HMCN2: variants seen among roughly 807,000 people sequenced by gnomAD.
HMCN2 encodes hemicentin-2.
In HMCN2, 325 loss-of-function variants were observed where a neutral mutation model predicts 377.5. That is an observed-to-expected ratio of 0.86 (90% CI 0.79 to 0.94). The LOEUF (loss-of-function observed/expected upper bound fraction) is 0.94, where lower values mean the gene tolerates loss of function less well. HMCN2 is among the 40% of genes least tolerant of loss of function. The pLI is 0.00. For missense variants in HMCN2, 4,543 were observed against 4,725.3 expected (o/e 0.96, Z 1.13); for synonymous variants, 2,007 against 2,046.8 (o/e 0.98, Z 0.53).
At chr9:130,320,535 T>G (rs1421405154) in intron 17 of HMCN2, 84 bp downstream of exon 17, 1 of 152,296 alleles carries the variant, frequency 6.6e-6, no homozygotes, top group African/African-American at 2.4e-5. Flanking sequence ...CGTGGGCGCC[T>G]CCAGGGAGCC....
intron 48 of HMCN2, 68 bp from the exon 49 acceptor site, chr9:130,374,434 A>G (rs1032483240): frequency 9.7e-6 from 8 of 822,848 alleles, no homozygotes; most frequent in Admixed American, 1.2e-4. Flanking sequence ...ATCTGGGAGC[A>G]GCCTGTGACC....
Position 130,385,570 on chromosome 9 carries a change from C to T in HMCN2, c.9117C>T (p.Ala3039=). 2 of 1,301,858 alleles carry T rather than the reference C, an allele frequency of 1.5e-6. No homozygotes were observed. Among genetic ancestry groups the T allele is most frequent in the South Asian group, 2.5e-5 (2 of 81,028 alleles). The allele number at this position is 1,301,858 out of a possible 1,614,324, so 80.6% of individuals were successfully genotyped here. A position where few individuals can be genotyped will look rare whatever the true frequency, so the allele number is the denominator to read the frequency against. ...LVQLSVLVPP[A]FRQAPRGPQD... ...ATCTCCTGCCCCCAGTTCCCCCGGC[C>T]TTCAGGCAGGCTCCCAGAGGTCCCC... is the stretch of plus-strand genomic sequence containing the variant. The change falls in exon 60 of 98, where the codon GCC becomes GCT. Residue 3039 remains alanine, a synonymous_variant. Coordinates refer to ENST00000683500, the MANE Select transcript of HMCN2 (RefSeq NM_001291815.2).
chr9:130,432,715 C>T (rs1250751363), intron 97 of HMCN2, 160 bp downstream of exon 97: 9 of 727,974 alleles, frequency 1.2e-5, no homozygotes, highest in East Asian at 2.7e-5. Context: ...TGGGAGAGAA[C>T]GGGGACACAG....
chr9:130,415,864 C>T (rs1356195525), intron 85 of HMCN2, among the ~76,000 whole-genome samples: 3 of 152,192 alleles, frequency 2.0e-5, no homozygotes, highest in Non-Finnish European at 4.4e-5. Flanking sequence ...AGCACAGCAG[C>T]CATTTCCCTT....
At chr9:130,357,784 T>C (rs1840122794) in intron 34 of HMCN2, 50 bp from the exon 35 acceptor site, 3 of 1,268,400 alleles carry the variant, frequency 2.4e-6, no homozygotes, top group Non-Finnish European at 3.1e-6. Flanking sequence ...GTGCCCACTG[T>C]ACTCCTCCTG....
chr9:130,375,634 ATC>A lies in HMCN2; in HGVS notation c.7708_7709del (p.Leu2570AspfsTer22). The part of the protein sequence containing the change: ...EEVTVTVNNP[I>X]SLICEALAFP... ...GGTGACCGTGACTGTCAACAACCCC[ATC>A]TCTCTGATCTGCGAGGCCCTGGCCT... On this transcript the variant is annotated frameshift_variant, in exon 50 of 98. Coordinates refer to ENST00000683500, the MANE Select transcript of HMCN2 (RefSeq NM_001291815.2). LOFTEE classifies it high-confidence loss of function. The A allele has an allele frequency of 8.1e-6, 8 of 985,728 alleles. No homozygotes were observed. The highest frequency in any genetic ancestry group is 9.6e-6 in the Non-Finnish European group (8 of 829,932). 61.1% of individuals were successfully genotyped at this position (985,728 alleles called of 1,614,324 possible).
intron 15 of HMCN2, among the ~76,000 whole-genome samples, chr9:130,311,865 C>A (rs1410637066): frequency 1.3e-5 from 2 of 152,076 alleles, no homozygotes; most frequent in African/African-American, 4.8e-5. Context: ...GAGAGGTTTT[C>A]AGGAGGAGGG....
At chr9:130,318,896 C>G (rs1837700880) in intron 15 of HMCN2, among the ~76,000 whole-genome samples, 2 of 152,138 alleles carry the variant, frequency 1.3e-5, no homozygotes, top group Admixed American at 1.3e-4. Context: ...ACCTATAATC[C>G]CCCCCGACGC....
rs139836388 is a variant in HMCN2 at position 130,422,202 on chromosome 9, G to C, written c.13232-375G>C. 4.5e-4 allele frequency among the ~76,000 whole-genome samples: 69 copies of C among 152,356 alleles called. 2 individuals are homozygous for C. In the South Asian group the frequency reaches 6.2e-3, roughly 14 times the overall value. On this transcript the variant is annotated intron_variant, in intron 86 of 97. Coordinates refer to ENST00000683500, the MANE Select transcript of HMCN2 (RefSeq NM_001291815.2). The surrounding 1 kb of genome is among the most constrained non-coding windows in gnomAD (Gnocchi z 4.2). ...CCTTCAGTGTGCCAGCCACGCCATC[G>C]TGGGCTCCCGGCATTTCAGAGACCC... is the stretch of plus-strand genomic sequence containing the variant.
At chr9:130,412,170 C>T (rs1288644978) in intron 85 of HMCN2, among the ~76,000 whole-genome samples, 1 of 152,112 alleles carries the variant, frequency 6.6e-6, no homozygotes, top group Admixed American at 6.5e-5. Context: ...CGGGGTTTCA[C>T]CATGTTGGCC....
In HMCN2 at chr9:130,426,067, G is replaced by A. The variant is rs560448129; in HGVS notation, c.13879+143G>A. ...GACTTCAGACTGAGACGGCCCGGCTGGCCTACTCACCTGGCCTGTCCCCAC... is the reference window on the plus strand; with the variant it reads ...GACTTCAGACTGAGACGGCCCGGCTAGCCTACTCACCTGGCCTGTCCCCAC... On this transcript the variant is annotated intron_variant, in intron 90 of 97. Coordinates refer to ENST00000683500, the MANE Select transcript of HMCN2 (RefSeq NM_001291815.2). The A allele has an allele frequency of 5.9e-6, 4 of 674,494 alleles. No individual in the cohort carries two copies. The African/African-American group carries it at 7.2e-5, about 12-fold the overall frequency. 41.8% of individuals were successfully genotyped at this position (674,494 alleles called of 1,614,324 possible).
chr9:130,316,376 G>T (rs1837562231), intron 15 of HMCN2, among the ~76,000 whole-genome samples: 1 of 151,468 alleles, frequency 6.6e-6, no homozygotes, highest in African/African-American at 2.4e-5. Context: ...GGGTGGGGGT[G>T]CTGCCCTGGG....
intron 66 of HMCN2, among the ~76,000 whole-genome samples, chr9:130,392,437 C>G (rs1438661628): frequency 6.6e-6 from 1 of 152,108 alleles, no homozygotes; most frequent in Non-Finnish European, 1.5e-5. Flanking sequence ...TGGGCAAGAG[C>G]AGCTCAGGAG....
intron 75 of HMCN2, 137 bp downstream of exon 75, chr9:130,398,844 A>C: frequency 2.9e-5 from 21 of 716,728 alleles, no homozygotes; most frequent in African/African-American, 3.7e-5. Flanking sequence ...CTTGTGTCTC[A>C]ACTTTGGGGA....
Position 130,433,370 on chromosome 9 carries a change from C to A in HMCN2, c.14917C>A (p.Gln4973Lys), listed in dbSNP as rs1844880570. Residue 4973 changes from glutamine to lysine, a missense_variant, in exon 98 of 98, where the codon CAG becomes AAG. Transcript: ENST00000683500. ...SPGTCFRRCS[Q>K]DCGTGGPSTL... ...CAGGACGTGCTTCCGGCGCTGCTCG[C>A]AGGACTGCGGCACGGGCGGCCCCTC... The A allele has an allele frequency of 1.4e-6, 2 of 1,473,504 alleles. No homozygotes were observed. The highest frequency in any genetic ancestry group is 1.3e-5 in the South Asian group (1 of 76,766). The allele number at this position is 1,473,504 out of a possible 1,614,324, so 91.3% of individuals were successfully genotyped here.
Position 130,351,557 on chromosome 9 carries a change from A to T in HMCN2, c.4565A>T (p.Asp1522Val). Residue 1522 changes from aspartate (D) to valine (V), a missense_variant, in exon 30 of 98, where the codon GAC becomes GTC. This residue lies in a region of HMCN2 where 1,032 missense variants were observed against 1,285.1 expected (regional missense o/e 0.80). Coordinates refer to ENST00000683500, the MANE Select transcript of HMCN2 (RefSeq NM_001291815.2). The surrounding 1 kb of genome is among the most constrained non-coding windows in gnomAD (Gnocchi z 5.4). ...AGCCCAGCTGGTCAGCAGGCCAGGG[A>T]CTTCCAGCTCCGAGTTCATGGTGAG... ...AFSPAGQQAR[D>V]FQLRVHAPPT... The T allele has an allele frequency of 1.5e-6, 2 of 1,303,764 alleles. No homozygotes were observed. The highest frequency in any genetic ancestry group is 2.0e-6 in the Non-Finnish European group (2 of 988,638). The allele number at this position is 1,303,764 out of a possible 1,614,324, so 80.8% of individuals were successfully genotyped here.
intron 71 of HMCN2, among the ~76,000 whole-genome samples, 199 bp from the exon 72 acceptor site, chr9:130,395,725 A>T (rs1214039471): frequency 6.6e-6 from 1 of 152,108 alleles, no homozygotes; most frequent in East Asian, 1.9e-4. Context: ...ACTCCAGAGA[A>T]AGGGGATGCA....
chr9:130,288,273 T>G (rs1447576896), intron 4 of HMCN2, among the ~76,000 whole-genome samples: 3 of 152,224 alleles, frequency 2.0e-5, no homozygotes, highest in Non-Finnish European at 4.4e-5. Flanking sequence ...CCAGCTGTGG[T>G]GCCAGCTTTC....
chr9:130,392,944 C>T lies in HMCN2; in HGVS notation c.10137-268C>T, dbSNP rs957513732. Among the ~76,000 whole-genome samples the T allele has an allele frequency of 5.3e-5, 8 of 151,542 alleles. No homozygotes were observed. In the South Asian group the frequency reaches 8.4e-4, roughly 16 times the overall value. ...CCGGGAGGCGGAGCTTGCAGTGAGC[C>T]GAGATCGTGCCACTGCACTCCAGCC... On this transcript the variant is annotated intron_variant, in intron 66 of 97. Transcript: ENST00000683500.
Sources: gnomAD v4.1 joint callset for allele counts (sites outside exome capture counted in the v4.1 genomes callset) on GRCh38, gnomAD v4.1.1 for gene constraint, gnomAD v4.1.1 regional missense constraint, Gnocchi (gnomAD v3.1) non-coding constraint, MANE v1.5 for transcripts, NCBI Gene and HGNC (gene_info 2026-07-23, HGNC 2026-07-21) for gene names.